Variants in FLOT2 observed in about 807,000 individuals in gnomAD.
The protein encoded by FLOT2 is flotillin 2.
In FLOT2, 35 loss-of-function variants were observed where a neutral mutation model predicts 54.9. The observed-to-expected ratio is 0.64, with a 90% confidence interval of 0.49 to 0.84. FLOT2 has a LOEUF of 0.84. Ranked by LOEUF, FLOT2 falls within the 40% of genes least tolerant of loss-of-function variation. FLOT2 has a pLI of 0.00. For synonymous variants in FLOT2, 207 were observed against 228.9 expected (o/e 0.90, Z 0.86); for missense variants, 464 against 572.1 (o/e 0.81, Z 1.93).
At position 28,897,690 on chromosome 17, in the gene FLOT2, C is replaced by T. The variant is rs544750423; in HGVS notation, c.-116G>A. The T allele has an allele frequency of 1.3e-5, 12 of 919,492 alleles. No individual in the cohort carries two copies. The highest frequency in any genetic ancestry group is 3.5e-5 in the East Asian group (1 of 28,422). The allele number at this position is 919,492 out of a possible 1,614,324, so 57.0% of individuals were successfully genotyped here. A position where few individuals can be genotyped will look rare whatever the true frequency, so the allele number is the denominator to read the frequency against. ...CACCCCCAGCGGCCGGCCGCCCGCT[C>T]GCTCGCCCGCGCCCCTCTGCGGTCG... is the stretch of plus-strand genomic sequence containing the variant. On this transcript the variant is annotated 5_prime_UTR_variant, in exon 1 of 11. Transcript: ENST00000394908. This position sits in a 1 kb window ranked among gnomAD's most constrained non-coding sequence, Gnocchi z 4.4.
At position 28,883,319 on chromosome 17, in the gene FLOT2, G is replaced by A; in HGVS notation, c.223-88C>T. ...CAGAGGTAGGCAGGATGGTGGCTGT[G>A]CCTCCTCCCTTCCTTTTTTCAGACC... On this transcript the variant is annotated intron_variant, in intron 3 of 10. Transcript: ENST00000394908. This position sits in a 1 kb window ranked among gnomAD's most constrained non-coding sequence, Gnocchi z 5.0. 1 of 1,528,964 alleles carries A rather than the reference G, an allele frequency of 6.5e-7. No homozygotes were observed. The highest frequency in any genetic ancestry group is 1.1e-5 in the South Asian group (1 of 87,262). 94.7% of individuals were successfully genotyped at this position (1,528,964 alleles called of 1,614,324 possible).
chr17:28,894,183 C>A (rs1443139364), intron 1 of FLOT2, among the ~76,000 whole-genome samples: 1 of 152,200 alleles, frequency 6.6e-6, no homozygotes, highest in Non-Finnish European at 1.5e-5. Flanking sequence ...TTTCTTCCTA[C>A]TAGTCAAGAA....
Position 28,879,442 on chromosome 17 carries a change from A to G in FLOT2, c.*1119T>C. The G allele has an allele frequency of 1.0e-6, 1 of 988,092 alleles. No homozygotes were observed. Among genetic ancestry groups the G allele is most frequent in the Non-Finnish European group, 1.2e-6 (1 of 830,276 alleles). 61.2% of individuals were successfully genotyped at this position (988,092 alleles called of 1,614,324 possible). A position where few individuals can be genotyped will look rare whatever the true frequency, so the allele number is the denominator to read the frequency against. ...GCAGCATCCACATGCAGGAAGAGCTACACAGGCTGGGGCAGGGCCAGGGTG... is the reference window on the plus strand; with the variant it reads ...GCAGCATCCACATGCAGGAAGAGCTGCACAGGCTGGGGCAGGGCCAGGGTG... On this transcript the variant is annotated 3_prime_UTR_variant, in exon 11 of 11. Coordinates refer to ENST00000394908, the MANE Select transcript of FLOT2 (RefSeq NM_004475.3).
rs1303534147 is a variant in FLOT2 at position 28,883,880 on chromosome 17, G to A, written c.222+345C>T. 6.8e-6 allele frequency among the ~76,000 whole-genome samples: 1 copy of A among 147,322 alleles called. No homozygotes were observed. Among genetic ancestry groups the A allele is most frequent in the South Asian group, 2.2e-4 (1 of 4,524 alleles). On this transcript the variant is annotated intron_variant, in intron 3 of 10. Coordinates refer to ENST00000394908, the MANE Select transcript of FLOT2 (RefSeq NM_004475.3). This position sits in a 1 kb window ranked among gnomAD's most constrained non-coding sequence, Gnocchi z 5.0. ...CTCTGGGCCCCACCCCTCCCACGCA[G>A]TACCCAGGGAACAAGGAAGGCCTGG...
intron 2 of FLOT2, among the ~76,000 whole-genome samples, chr17:28,885,289 G>A (rs2039520697): frequency 6.6e-6 from 1 of 152,224 alleles, no homozygotes; most frequent in African/African-American, 2.4e-5. Context: ...TGGTGGTGTA[G>A]TGTTTTTGCC....
chr17:28,881,148 C>A, intron 9 of FLOT2, 44 bp downstream of exon 9: 1 of 1,567,212 alleles, frequency 6.4e-7, no homozygotes, highest in South Asian at 1.1e-5. Context: ...GCTTGTCAAG[C>A]AAGGACACTT....
At chr17:28,895,035 C>T (rs540113763) in intron 1 of FLOT2, among the ~76,000 whole-genome samples, 184 of 151,520 alleles carry the variant, frequency 1.2e-3, no homozygotes, top group African/African-American at 4.2e-3. Context: ...CCTCAGCCTC[C>T]GGAGTAGCTG....
Position 28,882,426 on chromosome 17 carries a change from G to T in FLOT2, c.490C>A (p.Leu164Met), listed in dbSNP as rs184928815. 81 of 1,614,076 alleles carry T rather than the reference G, an allele frequency of 5.0e-5. No homozygotes were observed. In the African/African-American group the frequency reaches 9.9e-4, roughly 20 times the overall value. The change falls in exon 6 of 11, where the codon CTG (leucine) becomes ATG (methionine). Residue 164 changes from leucine (L) to methionine (M), a missense_variant. Coordinates refer to ENST00000394908, the MANE Select transcript of FLOT2 (RefSeq NM_004475.3). The surrounding 1 kb of genome is among the most constrained non-coding windows in gnomAD (Gnocchi z 5.6). The stretch of plus-strand genomic sequence containing the variant: ...GTCTGCGTCTTGCCCAGGGAGCTCA[G>T]ATAGTCCACTTTGTCATACACGTCC... ...IKDVYDKVDY[L>M]SSLGKTQTAV... is the part of the protein sequence containing the mutation.
chr17:28,893,689 G>A (rs2039691323), intron 1 of FLOT2, among the ~76,000 whole-genome samples: 1 of 152,186 alleles, frequency 6.6e-6, no homozygotes, highest in South Asian at 2.1e-4. Context: ...GCAGCCCAGC[G>A]CCAGGCCCGA....
intron 2 of FLOT2, chr17:28,885,599 C>A (rs1455005581): frequency 1.4e-6 from 1 of 717,366 alleles, no homozygotes; most frequent in Non-Finnish European, 2.6e-6. Context: ...GCCTGGCATC[C>A]AGGGACACTC....
Position 28,897,313 on chromosome 17 carries a change from C to G in FLOT2, c.49+213G>C, listed in dbSNP as rs535426211. Reference sequence around the variant, plus strand: ...CAAATAAACACAGGAAAACCCACAGCGGGAGGGGGAGCCCCTGGTGGGTGC... The same window carrying G: ...CAAATAAACACAGGAAAACCCACAGGGGGAGGGGGAGCCCCTGGTGGGTGC... On this transcript the variant is annotated intron_variant, in intron 1 of 10. Coordinates refer to ENST00000394908, the MANE Select transcript of FLOT2 (RefSeq NM_004475.3). The surrounding 1 kb of genome is among the most constrained non-coding windows in gnomAD (Gnocchi z 4.4). Among the ~76,000 whole-genome samples, 1 of 152,218 alleles carries G rather than the reference C, an allele frequency of 6.6e-6. No homozygotes were observed. The highest frequency in any genetic ancestry group is 1.5e-5 in the Non-Finnish European group (1 of 68,028).
intron 1 of FLOT2, among the ~76,000 whole-genome samples, chr17:28,894,614 AC>A (rs1300253710): frequency 1.9e-5 from 2 of 107,692 alleles, no homozygotes; most frequent in East Asian, 6.3e-4. Flanking sequence ...ACAGAGCAAG[AC>A]CTTTTTTTTT....
At position 28,880,741 on chromosome 17, in the gene FLOT2, T is replaced by C. The variant is rs1478519248; in HGVS notation, c.1220A>G (p.His407Arg). The change falls in exon 10 of 11, where the codon CAT becomes CGT. Residue 407 changes from histidine to arginine, a missense_variant. Transcript: ENST00000394908. The part of the protein sequence containing the change: ...RLLAELPASV[H>R]ALTGVDLSKI... ...AGACAGGTCCACGCCTGTGAGGGCATGCACAGAGGCAGGCAGCTCGGCCAG... is the reference window on the plus strand; with the variant it reads ...AGACAGGTCCACGCCTGTGAGGGCACGCACAGAGGCAGGCAGCTCGGCCAG... 3.7e-6 allele frequency: 6 copies of C among 1,614,128 alleles called. No homozygotes were observed. The highest frequency in any genetic ancestry group is 1.3e-5 in the African/African-American group (1 of 74,940).
intron 2 of FLOT2, among the ~76,000 whole-genome samples, chr17:28,888,498 C>T (rs1014618351): frequency 6.6e-6 from 1 of 152,192 alleles, no homozygotes; most frequent in African/African-American, 2.4e-5. Flanking sequence ...ATAGTCCCTG[C>T]CTGGATTACC....
chr17:28,880,454 C>T lies in FLOT2; in HGVS notation c.*107G>A, dbSNP rs932440615. The T allele has an allele frequency of 5.9e-6, 9 of 1,537,456 alleles. No individual in the cohort carries two copies. Among genetic ancestry groups the T allele is most frequent in the Non-Finnish European group, 7.9e-6 (9 of 1,142,346 alleles). ...GAACACGCAGCACTTCTGGTCCCTT[C>T]GAGATAAGGCACCAGAGTCAGTAAC... On this transcript the variant is annotated 3_prime_UTR_variant, in exon 11 of 11. Transcript: ENST00000394908.
chr17:28,888,919 A>C (rs749705916), intron 2 of FLOT2, 26 bp downstream of exon 2: 37 of 1,597,486 alleles, frequency 2.3e-5, no homozygotes, highest in Non-Finnish European at 2.9e-5. Context: ...ACTCCATGAC[A>C]GGTCCTAGAG....
chr17:28,886,903 C>G (rs926083026), intron 2 of FLOT2, among the ~76,000 whole-genome samples: 5 of 152,160 alleles, frequency 3.3e-5, no homozygotes, highest in Non-Finnish European at 7.3e-5. Flanking sequence ...GCAAAAGTTG[C>G]CTTCATTCGA....
chr17:28,890,455 CAGCTCACTGCA>C (rs2039629196), intron 1 of FLOT2, among the ~76,000 whole-genome samples: 1 of 150,452 alleles, frequency 6.6e-6, no homozygotes, highest in African/African-American at 2.4e-5. Context: ...GGTGCGATCT[CAGCTCACTGCA>C]AGCTCCACCT....
At position 28,884,112 on chromosome 17, in the gene FLOT2, TG is replaced by T; in HGVS notation, c.222+112del. 1.2e-6 allele frequency: 1 copy of T among 814,056 alleles called. No individual in the cohort carries two copies. The highest frequency in any genetic ancestry group is 2.1e-6 in the Non-Finnish European group (1 of 472,402). The allele number at this position is 814,056 out of a possible 1,614,324, so 50.4% of individuals were successfully genotyped here. ...CCTCTCTTGTGGGACTTGCGGGGGC[TG>T]GGGTGCTGGAGAGAGACTGCCCCTG... On this transcript the variant is annotated intron_variant, in intron 3 of 10. Transcript: ENST00000394908. The surrounding 1 kb of genome is among the most constrained non-coding windows in gnomAD (Gnocchi z 5.1).
Sources: allele counts gnomAD v4.1 joint callset (sites outside exome capture counted in the v4.1 genomes callset), GRCh38; gene constraint gnomAD v4.1.1; non-coding constraint Gnocchi (gnomAD v3.1); transcripts MANE v1.5; gene names NCBI Gene and HGNC (gene_info 2026-07-23, HGNC 2026-07-21).